R3HCC1L: variants seen among roughly 807,000 people sequenced by gnomAD.
R3HCC1L encodes coiled-coil domain-containing protein R3HCC1L.
Under a neutral mutation model 59.9 loss-of-function variants are expected in R3HCC1L, and 51 were observed. The observed-to-expected ratio is 0.85, with a 90% CI of 0.68 to 1.07. R3HCC1L has a LOEUF of 1.07. Ranked by LOEUF, R3HCC1L falls within the 50% of genes least tolerant of loss-of-function variation. The probability of loss-of-function intolerance (pLI) is 0.00; values close to 1 mark genes in which losing one functional copy is unlikely to be tolerated. For missense variants in R3HCC1L, 965 were observed against 933.0 expected (o/e 1.03, Z -0.45); for synonymous variants, 322 against 315.2 (o/e 1.02, Z -0.23).
intron 6 of R3HCC1L, among the ~76,000 whole-genome samples, chr10:98,233,468 T>C (rs1422128625): frequency 4.6e-5 from 7 of 152,350 alleles, no homozygotes; most frequent in Non-Finnish European, 1.0e-4. Context: ...GCCCATGAAG[T>C]GCTCAACACC....
chr10:98,197,913 G>C (rs1851618055), intron 4 of R3HCC1L, among the ~76,000 whole-genome samples: 1 of 152,252 alleles, frequency 6.6e-6, no homozygotes, highest in African/African-American at 2.4e-5. Context: ...AGAAAAGGAA[G>C]TTTTGAGGGT....
intron 1 of R3HCC1L, among the ~76,000 whole-genome samples, chr10:98,138,170 A>G (rs1844779464): frequency 6.6e-6 from 1 of 152,200 alleles, no homozygotes; most frequent in Non-Finnish European, 1.5e-5. Context: ...TGACTACCAG[A>G]TATCTGCAGA....
chr10:98,211,113 G>C (rs1051063593), intron 5 of R3HCC1L, among the ~76,000 whole-genome samples: 1 of 152,114 alleles, frequency 6.6e-6, no homozygotes, highest in Non-Finnish European at 1.5e-5. Flanking sequence ...CTATGAATGA[G>C]CATCCATGAG....
chr10:98,169,142 C>G (rs1362496819), intron 4 of R3HCC1L, among the ~76,000 whole-genome samples: 1 of 152,298 alleles, frequency 6.6e-6, no homozygotes, highest in East Asian at 1.9e-4. Flanking sequence ...TCATTCTTAT[C>G]TTACTTGGTT....
intron 9 of R3HCC1L, among the ~76,000 whole-genome samples, chr10:98,238,925 A>G (rs1333807914): frequency 1.3e-5 from 2 of 152,216 alleles, no homozygotes; most frequent in East Asian, 3.9e-4. Context: ...GTAGAAATAG[A>G]GAATATCTGC....
chr10:98,234,821 T>C (rs1856744201), intron 7 of R3HCC1L, among the ~76,000 whole-genome samples: 1 of 152,174 alleles, frequency 6.6e-6, no homozygotes, highest in African/African-American at 2.4e-5. Context: ...TCTTAAAATA[T>C]TGGTGATTTT....
intron 2 of R3HCC1L, among the ~76,000 whole-genome samples, chr10:98,159,112 T>C (rs1847158549): frequency 6.6e-6 from 1 of 152,224 alleles, no homozygotes; most frequent in Admixed American, 6.5e-5. Flanking sequence ...CCAGCCAACA[T>C]TGATATTTCC....
At chr10:98,158,839 C>A (rs1384852439) in intron 2 of R3HCC1L, among the ~76,000 whole-genome samples, 2 of 149,504 alleles carry the variant, frequency 1.3e-5, no homozygotes, top group African/African-American at 4.9e-5. Context: ...ATGGGGGTCT[C>A]ACTGTTGCCC....
chr10:98,209,171 G>A lies in R3HCC1L; in HGVS notation c.1057G>A (p.Ala353Thr). The change falls in exon 5 of 10, where the codon GCT becomes ACT. Residue 353 changes from alanine to threonine, a missense_variant. Coordinates refer to ENST00000298999, the MANE Select transcript of R3HCC1L (RefSeq NM_001351015.2). The stretch of plus-strand genomic sequence containing the variant: ...TGTAAAGCACGAACCTCCTGATACA[G>A]CTGTCCTTGCTCATGAAACACATAG... ...LHVKHEPPDT[A>T]VLAHETHRDS... 6.2e-7 allele frequency: 1 copy of A among 1,613,868 alleles called. No individual in the cohort carries two copies. The highest frequency in any genetic ancestry group is 8.5e-7 in the Non-Finnish European group (1 of 1,179,958).
intron 5 of R3HCC1L, among the ~76,000 whole-genome samples, chr10:98,219,339 A>C (rs1854597870): frequency 6.6e-6 from 1 of 152,232 alleles, no homozygotes; most frequent in Admixed American, 6.5e-5. Context: ...ATGTGTCTAC[A>C]GGTGAAATGT....
At chr10:98,211,402 C>T (rs2135311536) in intron 5 of R3HCC1L, 1 of 1,491,330 alleles carries the variant, frequency 6.7e-7, no homozygotes, top group African/African-American at 1.4e-5. Context: ...AAATGACTGT[C>T]AGCCCATAAT....
intron 4 of R3HCC1L, 34 bp from the exon 5 acceptor site, chr10:98,208,067 A>G (rs760443550): frequency 1.3e-6 from 2 of 1,532,352 alleles, no homozygotes; most frequent in Non-Finnish European, 1.8e-6. Context: ...CATTGTAATT[A>G]GTGTCTAATA....
intron 4 of R3HCC1L, chr10:98,174,523 A>G (rs1344893037): frequency 5.6e-6 from 5 of 889,810 alleles, no homozygotes; most frequent in Middle Eastern, 5.8e-4. Flanking sequence ...TTCATAAATG[A>G]AACAGTTGAA....
chr10:98,200,494 T>C (rs1851913436), intron 4 of R3HCC1L, among the ~76,000 whole-genome samples: 1 of 152,116 alleles, frequency 6.6e-6, no homozygotes, highest in African/African-American at 2.4e-5. Flanking sequence ...TTTCTGTACA[T>C]GCATATTTTT....
At chr10:98,164,916 A>T (rs1224497643) in intron 4 of R3HCC1L, among the ~76,000 whole-genome samples, 1 of 152,176 alleles carries the variant, frequency 6.6e-6, no homozygotes, top group Non-Finnish European at 1.5e-5. Flanking sequence ...GTGGGGTGGA[A>T]ATAGTGTATT....
At position 98,209,021 on chromosome 10, in the gene R3HCC1L, A is replaced by G; in HGVS notation, c.907A>G (p.Lys303Glu). Residue 303 changes from lysine to glutamate, a missense_variant, in exon 5 of 10, where the codon AAA becomes GAA. Coordinates refer to ENST00000298999, the MANE Select transcript of R3HCC1L (RefSeq NM_001351015.2). ...ANSTGFILDQ[K>E]DTDSIPATMG... ...TAGTACAGGTTTCATCTTAGATCAAAAAGATACAGATTCCATTCCTGCAAC... is the reference window on the plus strand; with the variant it reads ...TAGTACAGGTTTCATCTTAGATCAAGAAGATACAGATTCCATTCCTGCAAC... The G allele has an allele frequency of 6.2e-7, 1 of 1,613,952 alleles. No individual in the cohort carries two copies. The highest frequency in any genetic ancestry group is 8.5e-7 in the Non-Finnish European group (1 of 1,179,842).
intron 6 of R3HCC1L, among the ~76,000 whole-genome samples, 189 bp downstream of exon 6, chr10:98,231,876 G>T (rs1015139866): frequency 6.6e-6 from 1 of 152,128 alleles, no homozygotes. Context: ...CCTTAAAAAT[G>T]TCAGGTAGCC....
chr10:98,189,508 T>G (rs543921026), intron 4 of R3HCC1L, among the ~76,000 whole-genome samples: 1 of 152,310 alleles, frequency 6.6e-6, no homozygotes, highest in Non-Finnish European at 1.5e-5. Flanking sequence ...TTAGTTCAGA[T>G]ATGTTAAAGA....
intron 4 of R3HCC1L, among the ~76,000 whole-genome samples, chr10:98,186,176 C>A (rs1850208201): frequency 6.6e-6 from 1 of 152,088 alleles, no homozygotes; most frequent in African/African-American, 2.4e-5. Flanking sequence ...GCCCAAAATT[C>A]ATTGAGGCCG....
Sources: allele counts gnomAD v4.1 joint callset (sites outside exome capture counted in the v4.1 genomes callset), GRCh38; gene constraint gnomAD v4.1.1; transcripts MANE v1.5; gene names NCBI Gene and HGNC (gene_info 2026-07-23, HGNC 2026-07-21).